Variants in NXPE2 observed in about 807,000 individuals in gnomAD.
NXPE2 encodes the protein NXPE family member 2.
Under a neutral mutation model 34.4 loss-of-function variants are expected in NXPE2, and 34 were observed. The ratio of observed to expected loss-of-function variants is 0.99; its 90% confidence interval spans 0.75 to 1.31. The LOEUF (loss-of-function observed/expected upper bound fraction) is 1.31. Among genes scored for constraint, NXPE2 ranks in the 40% most tolerant of loss-of-function variants. The probability of loss-of-function intolerance (pLI) is 0.00; values close to 1 mark genes in which losing one functional copy is unlikely to be tolerated. For missense variants in NXPE2, 649 were observed against 672.5 expected, an observed-to-expected ratio of 0.97 and a Z score of 0.39; for synonymous variants, 235 against 231.3, an observed-to-expected ratio of 1.02 and a Z score of -0.15.
chr11:114,597,931 C>T, the NXPE2 span, among the ~76,000 whole-genome samples: 7 of 152,142 alleles, frequency 4.6e-5, no homozygotes, highest in Non-Finnish European at 1.0e-4. Flanking sequence ...AACAGTCCCT[C>T]AAAGTCTTAG....
the NXPE2 span, among the ~76,000 whole-genome samples, chr11:114,614,134 GATA>G: frequency 6.6e-6 from 1 of 151,578 alleles, no homozygotes. Flanking sequence ...TTACCTGCTG[GATA>G]ATAAGTGCTG....
chr11:114,727,596 C>T, the NXPE2 span, among the ~76,000 whole-genome samples: 1 of 151,922 alleles, frequency 6.6e-6, no homozygotes, highest in Admixed American at 6.6e-5. Flanking sequence ...ACTTATAATA[C>T]ACAACTTATA....
the NXPE2 span, among the ~76,000 whole-genome samples, chr11:114,472,569 A>G: frequency 2.6e-5 from 4 of 152,206 alleles, no homozygotes; most frequent in Admixed American, 6.5e-5. Context: ...ACAAAATAGC[A>G]TAGACTGGGT....
At chr11:114,769,576 G>A in the NXPE2 span, among the ~76,000 whole-genome samples, 60 of 152,142 alleles carry the variant, frequency 3.9e-4, no homozygotes, top group African/African-American at 1.4e-3. Flanking sequence ...GCCCATCAAT[G>A]ATAGACTGGA....
the NXPE2 span, among the ~76,000 whole-genome samples, chr11:114,751,898 AAG>A: frequency 2.0e-5 from 3 of 152,296 alleles, no homozygotes; most frequent in East Asian, 3.9e-4. Context: ...CGGAGAAAGA[AAG>A]AGATTTGAAG....
chr11:114,579,164 G>A, the NXPE2 span, among the ~76,000 whole-genome samples: 1 of 152,140 alleles, frequency 6.6e-6, no homozygotes, highest in African/African-American at 2.4e-5. Flanking sequence ...GAGCCAGTGT[G>A]TCACATGGTG....
At chr11:114,607,886 T>A in the NXPE2 span, among the ~76,000 whole-genome samples, 4 of 151,994 alleles carry the variant, frequency 2.6e-5, no homozygotes, top group Admixed American at 2.0e-4. Flanking sequence ...TAGTAAGTAC[T>A]GCCTCGTGGG....
chr11:114,535,376 A>G, the NXPE2 span, among the ~76,000 whole-genome samples: 21 of 152,332 alleles, frequency 1.4e-4, no homozygotes, highest in African/African-American at 4.8e-4. Flanking sequence ...ACATCAACTA[A>G]CGAGCAAAAT....
chr11:114,798,831 T>C, the NXPE2 span, among the ~76,000 whole-genome samples: 1 of 152,208 alleles, frequency 6.6e-6, no homozygotes, highest in African/African-American at 2.4e-5. Context: ...TCTTCCTGTC[T>C]TGACTGTGTC....
At chr11:114,516,570 C>G in the NXPE2 span, among the ~76,000 whole-genome samples, 19 of 151,618 alleles carry the variant, frequency 1.3e-4, no homozygotes, top group African/African-American at 4.4e-4. Flanking sequence ...GAAAGCAAGC[C>G]TTATTATTAT....
chr11:114,693,580 AG>A (rs1194445521), intron 2 of NXPE2, among the ~76,000 whole-genome samples: 1 of 152,226 alleles, frequency 6.6e-6, no homozygotes, highest in Non-Finnish European at 1.5e-5. Flanking sequence ...AGCCCACAAA[AG>A]GTGGGTTGAA....
the NXPE2 span, among the ~76,000 whole-genome samples, chr11:114,537,190 T>C: frequency 6.6e-6 from 1 of 152,170 alleles, no homozygotes; most frequent in Non-Finnish European, 1.5e-5. Flanking sequence ...CAGATGATTA[T>C]CTCAATAGAT....
At chr11:114,635,793 G>C in the NXPE2 span, among the ~76,000 whole-genome samples, 2 of 151,944 alleles carry the variant, frequency 1.3e-5, no homozygotes, top group African/African-American at 4.8e-5. Flanking sequence ...ATTGAACCAG[G>C]CTTGCATCCC....
At chr11:114,725,974 A>ATATATATATATATATATATAT in the NXPE2 span, among the ~76,000 whole-genome samples, 30 of 32,820 alleles carry the variant, frequency 9.1e-4, no homozygotes, top group African/African-American at 1.5e-3. Flanking sequence ...TAATAAAAAA[A>ATATATATATATATATATATAT]AAATATATAT....
the NXPE2 span, among the ~76,000 whole-genome samples, chr11:114,732,053 A>T: frequency 6.6e-6 from 1 of 152,180 alleles, no homozygotes; most frequent in Non-Finnish European, 1.5e-5. Context: ...TTGATCCTCC[A>T]ATGTTCTTAC....
At chr11:114,761,112 T>C in the NXPE2 span, among the ~76,000 whole-genome samples, 49,736 of 152,058 alleles carry the variant, frequency 0.33, 8,979 homozygotes, top group East Asian at 0.43. Context: ...TACTTTGAAA[T>C]GGAATGCATT....
chr11:114,726,350 A>G, the NXPE2 span, among the ~76,000 whole-genome samples: 2 of 151,948 alleles, frequency 1.3e-5, no homozygotes, highest in South Asian at 2.1e-4. Context: ...ATTTTCTTCA[A>G]ATTTATCCTG....
chr11:114,673,011 G>C, the NXPE2 span, among the ~76,000 whole-genome samples: 1 of 149,866 alleles, frequency 6.7e-6, no homozygotes, highest in African/African-American at 2.4e-5. Flanking sequence ...TTCTTCTCAA[G>C]TACACATGGA....
chr11:114,751,263 G>A, the NXPE2 span, among the ~76,000 whole-genome samples: 64,495 of 152,006 alleles, frequency 0.42, 15,399 homozygotes, highest in South Asian at 0.6. Flanking sequence ...CCAAAAAGGA[G>A]AGAACAAAAT....
Sources: gnomAD v4.1 joint callset for allele counts (sites outside exome capture counted in the v4.1 genomes callset) on GRCh38, gnomAD v4.1.1 for gene constraint, MANE v1.5 for transcripts, NCBI Gene and HGNC (gene_info 2026-07-23, HGNC 2026-07-21) for gene names.